Variants in USP14 observed in about 807,000 individuals in gnomAD.
USP14 encodes ubiquitin carboxyl-terminal hydrolase 14.
Under a neutral mutation model 76.5 loss-of-function variants are expected in USP14, and 38 were observed. That is an observed-to-expected ratio of 0.50 (90% confidence interval 0.38 to 0.65). The LOEUF is 0.65. Among genes scored for constraint, USP14 ranks in the 30% least tolerant of loss-of-function variants. USP14 has a pLI of 0.00. For missense variants in USP14, 467 were observed against 586.5 expected (o/e 0.80, Z 2.10); for synonymous variants, 192 against 191.7 (o/e 1.00, Z -0.01).
At chr18:203,519 C>T (rs1369243212) in intron 12 of USP14, among the ~76,000 whole-genome samples, 2 of 152,190 alleles carry the variant, frequency 1.3e-5, no homozygotes, top group East Asian at 3.9e-4. Context: ...GTGCCCTAGA[C>T]CACGTCCTCA....
chr18:185,900 C>T (rs1337398777), intron 5 of USP14, among the ~76,000 whole-genome samples: 1 of 146,362 alleles, frequency 6.8e-6, no homozygotes, highest in Non-Finnish European at 1.5e-5. Flanking sequence ...CAAGAGATGG[C>T]TATGTTGCTC....
chr18:180,839 G>A (rs1228500801), intron 5 of USP14, among the ~76,000 whole-genome samples: 1 of 148,790 alleles, frequency 6.7e-6, no homozygotes, highest in Non-Finnish European at 1.5e-5. Flanking sequence ...TTTTATGGCT[G>A]AATAGTATTT....
At chr18:159,451 A>G (rs1326150524) in intron 1 of USP14, among the ~76,000 whole-genome samples, 1 of 152,060 alleles carries the variant, frequency 6.6e-6, no homozygotes, top group African/African-American at 2.4e-5. Flanking sequence ...TAGGGAATGG[A>G]CCTTGCTGCT....
At chr18:164,549 G>T (rs1234101930) in intron 2 of USP14, among the ~76,000 whole-genome samples, 1 of 152,090 alleles carries the variant, frequency 6.6e-6, no homozygotes, top group Non-Finnish European at 1.5e-5. Context: ...CGCCTCCTGG[G>T]TTCAAGCGAT....
intron 10 of USP14, among the ~76,000 whole-genome samples, 175 bp downstream of exon 10, chr18:199,491 T>C (rs1407544661): frequency 6.6e-6 from 1 of 152,200 alleles, no homozygotes; most frequent in Admixed American, 6.5e-5. Context: ...CTTGGCCTTC[T>C]TGTTTCAGCT....
intron 3 of USP14, among the ~76,000 whole-genome samples, chr18:178,080 G>A (rs904659734): frequency 9.2e-5 from 14 of 152,048 alleles, no homozygotes; most frequent in African/African-American, 3.4e-4. Flanking sequence ...AATGCAAGTG[G>A]TGTGATCACA....
chr18:186,681 A>G (rs1225963215), intron 5 of USP14, among the ~76,000 whole-genome samples: 2 of 148,328 alleles, frequency 1.3e-5, no homozygotes, highest in Non-Finnish European at 3.0e-5. Flanking sequence ...TGAACCCGGG[A>G]GCAGAGGCTG....
intron 1 of USP14, among the ~76,000 whole-genome samples, chr18:161,333 A>G (rs959141841): frequency 6.6e-6 from 1 of 152,160 alleles, no homozygotes; most frequent in African/African-American, 2.4e-5. Flanking sequence ...TTAATTACTT[A>G]CATCTTAGAA....
Position 163,339 on chromosome 18 carries a change from A to C in USP14, c.48A>C (p.Glu16Asp). ...TAAAATGGGGAAAGGAGAAATTTGA[A>C]GGTGTAGAATTGAATACAGATGAAC... Reference protein sequence around the residue: ...VTVKWGKEKFEGVELNTDEPP... With the variant: ...VTVKWGKEKFDGVELNTDEPP... The change falls in exon 2 of 16, where the codon GAA becomes GAC. Residue 16 changes from glutamate to aspartate, a missense_variant. Coordinates refer to ENST00000261601, the MANE Select transcript of USP14 (RefSeq NM_005151.4). 1 of 1,611,314 alleles carries C rather than the reference A, an allele frequency of 6.2e-7. No individual in the cohort carries two copies. The highest frequency in any genetic ancestry group is 8.5e-7 in the Non-Finnish European group (1 of 1,178,802).
At chr18:186,672 G>A (rs1028547922) in intron 5 of USP14, among the ~76,000 whole-genome samples, 1 of 151,268 alleles carries the variant, frequency 6.6e-6, no homozygotes, top group Admixed American at 6.6e-5. Flanking sequence ...TGGGTCGCTT[G>A]AACCCGGGAG....
chr18:178,182 G>C (rs1161367943), intron 3 of USP14, among the ~76,000 whole-genome samples: 1 of 152,060 alleles, frequency 6.6e-6, no homozygotes, highest in Non-Finnish European at 1.5e-5. Context: ...CCTATGCCCA[G>C]CTAATATTGG....
At position 213,854 on chromosome 18, in the gene USP14, G is replaced by GAT. The variant is rs1365065292; in HGVS notation, c.*2571_*2572dup. The GAT allele has an allele frequency of 6.6e-6, 1 of 152,204 alleles. No individual in the cohort carries two copies. The highest frequency in any genetic ancestry group is 2.4e-5 in the African/African-American group (1 of 41,442). 9.4% of individuals were successfully genotyped at this position (152,204 alleles called of 1,614,324 possible). On this transcript the variant is annotated 3_prime_UTR_variant, in exon 16 of 16. Coordinates refer to ENST00000261601, the MANE Select transcript of USP14 (RefSeq NM_005151.4). ...TGAATGTCACAAGAATCCCTGAAGT[G>GAT]ATTAAAAGTCTTGAGAGGTCAGGCA... is the stretch of plus-strand genomic sequence containing the variant.
intron 5 of USP14, among the ~76,000 whole-genome samples, chr18:191,582 T>C (rs1199889571): frequency 6.6e-6 from 1 of 152,188 alleles, no homozygotes; most frequent in Non-Finnish European, 1.5e-5. Context: ...AGTTAATCCT[T>C]ATCCTCTCCA....
chr18:207,284 T>C (rs1910556720), intron 13 of USP14, among the ~76,000 whole-genome samples: 2 of 145,264 alleles, frequency 1.4e-5, no homozygotes, highest in East Asian at 1.9e-4. Flanking sequence ...TTGAAAGTTA[T>C]TTTAGCTATT....
At chr18:178,832 A>G in intron 3 of USP14, 101 bp from the exon 4 acceptor site, 1 of 817,988 alleles carries the variant, frequency 1.2e-6, no homozygotes, top group Non-Finnish European at 1.9e-6. Flanking sequence ...TGGCAAATAG[A>G]ATTATGTTAT....
At chr18:164,278 C>A (rs1032720366) in intron 2 of USP14, among the ~76,000 whole-genome samples, 3 of 151,918 alleles carry the variant, frequency 2.0e-5, no homozygotes, top group African/African-American at 7.3e-5. Flanking sequence ...AAATGTGGAA[C>A]AATACAGATA....
chr18:188,843 A>G (rs77363148), intron 5 of USP14, among the ~76,000 whole-genome samples: 8,806 of 151,932 alleles, frequency 0.058, 609 homozygotes, highest in East Asian at 0.32. Flanking sequence ...ATGCCCAGCT[A>G]ATTTTTTGTA....
At chr18:196,876 T>TTCATGCCACGGCTGTCTCTTGC in intron 7 of USP14, 109 bp downstream of exon 7, 1 of 1,372,466 alleles carries the variant, frequency 7.3e-7, no homozygotes, top group Non-Finnish European at 1.0e-6. Flanking sequence ...TCTTCTCTAG[T>TTCATGCCACGGCTGTCTCTTGC]TCATGCCACG....
intron 5 of USP14, among the ~76,000 whole-genome samples, chr18:188,550 G>A (rs928813573): frequency 3.5e-5 from 5 of 144,298 alleles, no homozygotes; most frequent in African/African-American, 1.3e-4. Context: ...TGGTGTTACA[G>A]TTATGCTAGC....
Sources: allele counts gnomAD v4.1 joint callset (sites outside exome capture counted in the v4.1 genomes callset), GRCh38; gene constraint gnomAD v4.1.1; transcripts MANE v1.5; gene names NCBI Gene and HGNC (gene_info 2026-07-23, HGNC 2026-07-21).